CSMD1: variants seen among roughly 807,000 people sequenced by gnomAD.
The protein encoded by CSMD1 is CUB and sushi domain-containing protein 1.
Under a neutral mutation model 417.5 loss-of-function variants are expected in CSMD1, and 213 were observed. The ratio of observed to expected loss-of-function variants is 0.51; its 90% CI spans 0.46 to 0.57. The LOEUF is 0.57. Ranked by LOEUF, CSMD1 falls within the 20% of genes least tolerant of loss-of-function variation. CSMD1 has a pLI of 0.00. For missense variants in CSMD1, 6,923 were observed against 4,529.7 expected, an observed-to-expected ratio of 1.53 and a Z score of -15.17; for synonymous variants, 2,862 against 1,736.8, an observed-to-expected ratio of 1.65 and a Z score of -16.11.
intron 1 of CSMD1, among the ~76,000 whole-genome samples, chr8:4,942,219 C>CATAAAAAT (rs1808052338): frequency 6.6e-6 from 1 of 152,134 alleles, no homozygotes; most frequent in African/African-American, 2.4e-5. Flanking sequence ...CACATATAAA[C>CATAAAAAT]CAGGCTTCAC....
chr8:3,219,550 T>C (rs1309712305), intron 28 of CSMD1, 108 bp from the exon 29 acceptor site: 1 of 789,848 alleles, frequency 1.3e-6, no homozygotes, highest in East Asian at 3.0e-5. Flanking sequence ...TGTATAATGA[T>C]TTTTCAGTTA....
intron 2 of CSMD1, among the ~76,000 whole-genome samples, chr8:4,581,192 G>C (rs903612432): frequency 5.3e-5 from 8 of 152,120 alleles, no homozygotes; most frequent in African/African-American, 1.9e-4. Context: ...TAGTTGACTT[G>C]TTGATAAAAC....
intron 46 of CSMD1, 30 bp from the exon 47 acceptor site, chr8:3,097,067 C>T: frequency 2.0e-6 from 3 of 1,479,714 alleles, no homozygotes; most frequent in Non-Finnish European, 2.7e-6. Context: ...CAAAAGTTTG[C>T]TTTAATAAAA....
At chr8:3,241,552 G>T (rs1164210017) in intron 26 of CSMD1, among the ~76,000 whole-genome samples, 1 of 152,148 alleles carries the variant, frequency 6.6e-6, no homozygotes, top group African/African-American at 2.4e-5. Context: ...AGGGGCTCTG[G>T]GAGTGGCTGC....
In CSMD1 at chr8:3,223,804, G is replaced by T. The variant is rs759189234; in HGVS notation, c.4409C>A (p.Pro1470Gln). The change falls in exon 28 of 70, where the codon CCG becomes CAG. Residue 1470 changes from proline (P) to glutamine (Q), a missense_variant. Transcript: ENST00000635120. Reference protein sequence around the residue: ...GVILSPNYPQPYPPGKECDWR... With the variant: ...GVILSPNYPQQYPPGKECDWR... ...GTCACATTCCTTCCCAGGAGGATAC[G>T]GCTGTGGGTAGTTGGGTGACAAAAT... 40 of 1,613,724 alleles carry T rather than the reference G, an allele frequency of 2.5e-5. No homozygotes were observed. Among genetic ancestry groups the T allele is most frequent in the Non-Finnish European group, 3.3e-5 (39 of 1,179,794 alleles).
rs188428086 is a variant in CSMD1, at chr8:3,490,554, C to T, written c.1448+3069G>A. Reference sequence around the variant, plus strand: ...GTGTGGGTTACATTTTTCAGCTCTCCGGAGTGTTTGCATGCATTATTTCAT... The same window carrying T: ...GTGTGGGTTACATTTTTCAGCTCTCTGGAGTGTTTGCATGCATTATTTCAT... On this transcript the variant is annotated intron_variant, in intron 11 of 69. Coordinates refer to ENST00000635120, the MANE Select transcript of CSMD1 (RefSeq NM_033225.6). Among the ~76,000 whole-genome samples, 540 of 152,132 alleles carry T rather than the reference C, an allele frequency of 3.5e-3. 3 individuals carry two copies. Among genetic ancestry groups the T allele is most frequent in the Non-Finnish European group, 4.9e-3 (334 of 68,008 alleles).
intron 52 of CSMD1, among the ~76,000 whole-genome samples, chr8:3,001,326 C>T (rs546228167): frequency 6.6e-6 from 1 of 152,118 alleles, no homozygotes; most frequent in Non-Finnish European, 1.5e-5. Flanking sequence ...CCTCTTCTGC[C>T]TCTTTACTGC....
chr8:3,555,459 C>T (rs1305687467), intron 10 of CSMD1, among the ~76,000 whole-genome samples: 2 of 152,142 alleles, frequency 1.3e-5, no homozygotes, highest in Non-Finnish European at 1.5e-5. Context: ...CCTGGCAGGT[C>T]AGAAGGTGGA....
chr8:3,608,370 T>A (rs1182827708), intron 8 of CSMD1, among the ~76,000 whole-genome samples: 1 of 151,960 alleles, frequency 6.6e-6, no homozygotes, highest in Admixed American at 6.6e-5. Flanking sequence ...ATGGAAGCAG[T>A]TGAGAAGCTC....
intron 5 of CSMD1, among the ~76,000 whole-genome samples, chr8:3,964,963 C>T (rs1314385310): frequency 6.6e-6 from 1 of 152,136 alleles, no homozygotes; most frequent in Non-Finnish European, 1.5e-5. Flanking sequence ...TCATGTAATT[C>T]TTGGAGAGTC....
At chr8:4,934,390 C>T (rs140777168) in intron 1 of CSMD1, among the ~76,000 whole-genome samples, 3 of 152,120 alleles carry the variant, frequency 2.0e-5, no homozygotes, top group Non-Finnish European at 2.9e-5. Context: ...ATGAAGCCAT[C>T]AAGAATAATA....
intron 58 of CSMD1, 40 bp from the exon 59 acceptor site, chr8:2,965,994 T>G: frequency 6.5e-7 from 1 of 1,529,666 alleles, no homozygotes; most frequent in South Asian, 1.2e-5. Context: ...AGAAATTCAT[T>G]TACCATGAAA....
chr8:3,387,672 A>T lies in CSMD1; in HGVS notation c.2604T>A (p.Leu868=). Residue 868 remains leucine (L), a synonymous_variant, in exon 18 of 70, where the codon CTT becomes CTA. Coordinates refer to ENST00000635120, the MANE Select transcript of CSMD1 (RefSeq NM_033225.6). ...GFLIHYESVT[L]ESDSCLDPGI... is the part of the protein sequence containing the mutation. The stretch of plus-strand genomic sequence containing the variant: ...CCGGGTCCAGGCAGGAATCCGACTC[A>T]AGCGTCACACCTGGATGCACAGAAC... 1.3e-6 allele frequency: 2 copies of T among 1,595,210 alleles called. No homozygotes were observed. Among genetic ancestry groups the T allele is most frequent in the South Asian group, 2.3e-5 (2 of 87,848 alleles).
intron 10 of CSMD1, among the ~76,000 whole-genome samples, chr8:3,549,554 T>C (rs1029651868): frequency 1.3e-5 from 2 of 152,196 alleles, no homozygotes; most frequent in African/African-American, 4.8e-5. Context: ...CATGGATGAA[T>C]GGATTAATGC....
At chr8:3,210,075 C>G (rs1421107849) in intron 30 of CSMD1, among the ~76,000 whole-genome samples, 1 of 152,160 alleles carries the variant, frequency 6.6e-6, no homozygotes, top group Non-Finnish European at 1.5e-5. Context: ...CCAAAATGCA[C>G]CAACTGCATC....
chr8:3,880,718 T>C (rs1806149885), intron 5 of CSMD1, among the ~76,000 whole-genome samples: 1 of 152,142 alleles, frequency 6.6e-6, no homozygotes, highest in Non-Finnish European at 1.5e-5. Flanking sequence ...AATCCTTAAA[T>C]AAGCAAAATA....
intron 1 of CSMD1, among the ~76,000 whole-genome samples, chr8:4,788,865 C>T (rs1797548409): frequency 1.3e-5 from 2 of 152,212 alleles, no homozygotes; most frequent in South Asian, 2.1e-4. Flanking sequence ...CCTGCTCCTT[C>T]CTGACTCCAG....
chr8:4,292,125 C>G (rs1797404006), intron 3 of CSMD1, among the ~76,000 whole-genome samples: 1 of 152,056 alleles, frequency 6.6e-6, no homozygotes, highest in Non-Finnish European at 1.5e-5. Context: ...CTGGCCATAC[C>G]AACAACAAAG....
intron 7 of CSMD1, among the ~76,000 whole-genome samples, chr8:3,668,556 T>G (rs556997859): frequency 7.2e-5 from 11 of 152,204 alleles, no homozygotes; most frequent in African/African-American, 2.6e-4. Context: ...ACAGGTAATA[T>G]GCAAAGGGGA....
Sources: allele counts gnomAD v4.1 joint callset (sites outside exome capture counted in the v4.1 genomes callset), GRCh38; gene constraint gnomAD v4.1.1; transcripts MANE v1.5; gene names NCBI Gene and HGNC (gene_info 2026-07-23, HGNC 2026-07-21).